The following AEN variants were observed in gnomAD, a reference collection of about 807,000 sequenced individuals.
AEN encodes apoptosis enhancing nuclease, also known as apoptosis-enhancing nuclease.
Under a neutral mutation model 17.7 loss-of-function variants are expected in AEN, and 21 were observed. The observed-to-expected ratio is 1.19, with a 90% CI of 0.84 to 1.71. AEN has a LOEUF of 1.71. Ranked by LOEUF, AEN falls within the 40% of genes most tolerant of loss-of-function variation. The probability of loss-of-function intolerance (pLI) is 0.00; values close to 1 mark genes in which losing one functional copy is unlikely to be tolerated. For synonymous variants in AEN, 190 were observed against 173.0 expected (o/e 1.10, Z -0.77); for missense variants, 462 against 435.9 (o/e 1.06, Z -0.53).
chr15:88,631,503 A>C lies in AEN; in HGVS notation c.*1209A>C. On this transcript the variant is annotated 3_prime_UTR_variant, in exon 4 of 4. Coordinates refer to ENST00000332810, the MANE Select transcript of AEN (RefSeq NM_022767.4). ...CTTTGAGATACTAAGCAAGCGAGGG[A>C]CTTCACTCTTGAGGCTGTTTTTTCC... The C allele has an allele frequency of 4.6e-6, 1 of 217,406 alleles. No homozygotes were observed. Among genetic ancestry groups the C allele is most frequent in the East Asian group, 1.0e-4 (1 of 9,906 alleles). 13.5% of individuals were successfully genotyped at this position (217,406 alleles called of 1,614,324 possible). A position where few individuals can be genotyped will look rare whatever the true frequency, so the allele number is the denominator to read the frequency against.
chr15:88,611,955 G>A, the AEN span: 4 of 478,344 alleles, frequency 8.4e-6, no homozygotes, highest in Middle Eastern at 7.6e-4. Flanking sequence ...GGAAATGGGG[G>A]CAGCCCCCCT....
At chr15:88,605,733 T>C in the AEN span, among the ~76,000 whole-genome samples, 1 of 152,182 alleles carries the variant, frequency 6.6e-6, no homozygotes, top group Non-Finnish European at 1.5e-5. This position sits in a 1 kb window ranked among gnomAD's most constrained non-coding sequence, Gnocchi z 7.6. Flanking sequence ...TTCGAGTCGC[T>C]ACCCGCTTGG....
intron 1 of AEN, among the ~76,000 whole-genome samples, chr15:88,625,892 A>T (rs2057844961): frequency 6.6e-6 from 1 of 152,230 alleles, no homozygotes; most frequent in South Asian, 2.1e-4. Flanking sequence ...TAAAATGAAG[A>T]TGATAATACT....
rs753434515 is a variant in AEN, at chr15:88,630,115, C to A, written c.799C>A (p.Arg267=). 3.7e-6 allele frequency: 6 copies of A among 1,613,828 alleles called. No homozygotes were observed. Among genetic ancestry groups the A allele is most frequent in the Non-Finnish European group, 5.1e-6 (6 of 1,180,022 alleles). The part of the protein sequence containing the change: ...EDATTAMELY[R]LVEVQWEQQE... Reference sequence around the variant, plus strand: ...TGCCACGACAGCCATGGAGCTCTACCGGCTGGTGGAGGTGCAGTGGGAACA... The same window carrying A: ...TGCCACGACAGCCATGGAGCTCTACAGGCTGGTGGAGGTGCAGTGGGAACA... The change falls in exon 4 of 4, where the codon CGG becomes AGG. Residue 267 remains arginine (R), a synonymous_variant. Coordinates refer to ENST00000332810, the MANE Select transcript of AEN (RefSeq NM_022767.4). The surrounding 1 kb of genome is among the most constrained non-coding windows in gnomAD (Gnocchi z 5.1).
chr15:88,609,074 A>T, the AEN span, among the ~76,000 whole-genome samples: 4 of 152,144 alleles, frequency 2.6e-5, no homozygotes, highest in African/African-American at 9.7e-5. Flanking sequence ...AGACCACTTC[A>T]GTCAGTCTTT....
the AEN span, among the ~76,000 whole-genome samples, chr15:88,615,984 A>T: frequency 1.3e-5 from 2 of 152,184 alleles, no homozygotes. Context: ...GGAGGGGGAA[A>T]TGATGGGGTC....
upstream of AEN, among the ~76,000 whole-genome samples, chr15:88,620,639 C>T (rs1596025039): frequency 6.6e-6 from 1 of 151,940 alleles, no homozygotes; most frequent in South Asian, 2.1e-4. Flanking sequence ...AAACTCCTGA[C>T]TTCAGGTGAT....
the AEN span, among the ~76,000 whole-genome samples, chr15:88,612,956 A>G: frequency 1.3e-5 from 2 of 152,142 alleles, no homozygotes; most frequent in Non-Finnish European, 2.9e-5. Context: ...CCCTAAGGTG[A>G]GCACCAAGTT....
the AEN span, among the ~76,000 whole-genome samples, chr15:88,616,208 C>G: frequency 6.6e-6 from 1 of 152,084 alleles, no homozygotes; most frequent in African/African-American, 2.4e-5. Flanking sequence ...ATTCTCCTTC[C>G]TCAGCCTTCT....
At chr15:88,613,155 C>T in the AEN span, among the ~76,000 whole-genome samples, 3 of 152,322 alleles carry the variant, frequency 2.0e-5, no homozygotes, top group South Asian at 6.2e-4. Context: ...ATTAGCTGAG[C>T]TCATTCTACC....
At chr15:88,622,386 G>C (rs1300973722) in intron 1 of AEN, among the ~76,000 whole-genome samples, 2 of 152,218 alleles carry the variant, frequency 1.3e-5, no homozygotes, top group Non-Finnish European at 2.9e-5. Context: ...TGACGTGTCA[G>C]CATGTAGCAG....
At chr15:88,607,999 A>G in the AEN span, 2 of 436,690 alleles carry the variant, frequency 4.6e-6, no homozygotes, top group African/African-American at 4.0e-5. Context: ...CACATCAGTA[A>G]TGTCCCATAG....
At chr15:88,621,999 C>A (rs993899384) in intron 1 of AEN, among the ~76,000 whole-genome samples, 12 of 152,092 alleles carry the variant, frequency 7.9e-5, no homozygotes, top group Non-Finnish European at 2.9e-5. Flanking sequence ...AATTCACAGC[C>A]CTCGGTTGAT....
At position 88,629,271 on chromosome 15, in the gene AEN, C is replaced by T; in HGVS notation, c.586C>T (p.His196Tyr). 1 of 1,614,146 alleles carries T rather than the reference C, an allele frequency of 6.2e-7. No homozygotes were observed. ...CAAGGTGGTGGTGGGGCACGCGCTG[C>T]ACAACGACTTCCAGGCGCTCAAGTA... ...KGKVVVGHAL[H>Y]NDFQALKYVH... Residue 196 changes from histidine to tyrosine, a missense_variant, in exon 3 of 4, where the codon CAC becomes TAC. His to Tyr is a moderately conservative substitution (Grantham distance 83). Transcript: ENST00000332810.
rs961705482 is a variant in AEN, at chr15:88,631,116, G to C, written c.*822G>C. 3 of 456,556 alleles carry C rather than the reference G, an allele frequency of 6.6e-6. No individual in the cohort carries two copies. Among genetic ancestry groups the C allele is most frequent in the Non-Finnish European group, 1.3e-5 (3 of 226,956 alleles). 28.3% of individuals were successfully genotyped at this position (456,556 alleles called of 1,614,324 possible). On this transcript the variant is annotated 3_prime_UTR_variant, in exon 4 of 4. Coordinates refer to ENST00000332810, the MANE Select transcript of AEN (RefSeq NM_022767.4). ...GATTTCCCCAGTCCACCCAGTACTG[G>C]GCTCTTAAGCAAAAGTCTGAGAAAC...
At chr15:88,615,676 T>C in the AEN span, among the ~76,000 whole-genome samples, 3 of 152,102 alleles carry the variant, frequency 2.0e-5, no homozygotes, top group East Asian at 5.8e-4. Flanking sequence ...ATCCCCTGAC[T>C]TTCTGGGCCC....
At chr15:88,628,744 T>TA (rs1022902384) in intron 2 of AEN, 55 of 152,778 alleles carry the variant, frequency 3.6e-4, no homozygotes, top group South Asian at 1.2e-3. Flanking sequence ...AGATAGGCAT[T>TA]AAAAAAAAAG....
chr15:88,616,563 G>A (rs59718140), upstream of AEN, among the ~76,000 whole-genome samples: 259 of 152,328 alleles, frequency 1.7e-3, 2 homozygotes, highest in African/African-American at 6.0e-3. Flanking sequence ...ACCATCCACA[G>A]TCAAGATGAC....
At position 88,630,037 on chromosome 15, in the gene AEN, T is replaced by C. The variant is rs1368165766; in HGVS notation, c.742-21T>C. 4 of 1,612,108 alleles carry C rather than the reference T, an allele frequency of 2.5e-6. No homozygotes were observed. In the African/African-American group the frequency reaches 4.0e-5, roughly 16 times the overall value. On this transcript the variant is annotated intron_variant, in intron 3 of 3. Coordinates refer to ENST00000332810, the MANE Select transcript of AEN (RefSeq NM_022767.4). This position sits in a 1 kb window ranked among gnomAD's most constrained non-coding sequence, Gnocchi z 5.1. ...CTCTCACTAGGCCTGCAGGCAGTGA[T>C]GTGTTGGCTCTCGTCAGTAGGTGGG...
Sources: allele counts gnomAD v4.1 joint callset (sites outside exome capture counted in the v4.1 genomes callset), GRCh38; gene constraint gnomAD v4.1.1; non-coding constraint Gnocchi (gnomAD v3.1); transcripts MANE v1.5; gene names NCBI Gene and HGNC (gene_info 2026-07-23, HGNC 2026-07-21).